Variants in CAPN7 observed in about 807,000 individuals in gnomAD.
The protein encoded by CAPN7 is calpain 7.
CAPN7 carries 72 observed loss-of-function variants against 115.2 expected under a neutral mutation model. The ratio of observed to expected loss-of-function variants is 0.63; its 90% CI spans 0.52 to 0.76. The LOEUF (loss-of-function observed/expected upper bound fraction) is 0.76, where lower values mean the gene tolerates loss of function less well. Ranked by LOEUF, CAPN7 falls within the 30% of genes least tolerant of loss-of-function variation. The pLI is 0.00. For missense variants in CAPN7, 905 were observed against 971.5 expected (o/e 0.93, Z 0.91); for synonymous variants, 344 against 322.3 (o/e 1.07, Z -0.72).
At chr3:15,245,377 A>G (rs1695596903) in intron 16 of CAPN7, 149 bp from the exon 17 acceptor site, 1 of 708,070 alleles carries the variant, frequency 1.4e-6, no homozygotes, top group Admixed American at 2.9e-5. Context: ...AAAGTTTTCA[A>G]CTGAAATTAT....
At chr3:15,224,344 C>A (rs943731984) in intron 6 of CAPN7, among the ~76,000 whole-genome samples, 11 of 151,174 alleles carry the variant, frequency 7.3e-5, no homozygotes, top group African/African-American at 2.7e-4. Flanking sequence ...GTGATCATGA[C>A]TCACTGCAGC....
Position 15,206,510 on chromosome 3 carries a change from A to G in CAPN7, c.15A>G (p.Ala5=), listed in dbSNP as rs2044631209. Residue 5 remains alanine (A), a synonymous_variant, in exon 1 of 21, where the codon GCA becomes GCG. Coordinates refer to ENST00000253693, the MANE Select transcript of CAPN7 (RefSeq NM_014296.3). Reference sequence around the variant, plus strand: ...GCCACTGCGCCATGGACGCCACAGCACTGGAGCGGGACGCTGTGCAGTTCG... The same window carrying G: ...GCCACTGCGCCATGGACGCCACAGCGCTGGAGCGGGACGCTGTGCAGTTCG... The part of the protein sequence containing the change: MDAT[A]LERDAVQFAR... 6.4e-7 allele frequency: 1 copy of G among 1,551,744 alleles called. No homozygotes were observed. The highest frequency in any genetic ancestry group is 2.0e-5 in the Admixed American group (1 of 51,272).
chr3:15,249,926 A>C (rs1485027724), intron 19 of CAPN7, among the ~76,000 whole-genome samples: 2 of 151,700 alleles, frequency 1.3e-5, no homozygotes, highest in Admixed American at 1.3e-4. Flanking sequence ...CACCATGCGC[A>C]GCTAATTTTT....
Position 15,212,209 on chromosome 3 carries a change from G to A in CAPN7, c.208G>A (p.Ala70Thr), listed in dbSNP as rs758981120. 3 of 1,571,900 alleles carry A rather than the reference G, an allele frequency of 1.9e-6. No homozygotes were observed. The highest frequency in any genetic ancestry group is 2.6e-6 in the Non-Finnish European group (3 of 1,147,116). The change falls in exon 2 of 21, where the codon GCA becomes ACA. Residue 70 changes from alanine (A) to threonine (T), a missense_variant. By Grantham distance (58) the Ala-to-Thr change is moderately conservative (BLOSUM62 0). Around this residue, in one of 3 missense-constraint regions of CAPN7, gnomAD observed 271 missense variants for 239.6 expected, o/e 1.13. Coordinates refer to ENST00000253693, the MANE Select transcript of CAPN7 (RefSeq NM_014296.3). ...YLERVQALHS[A>T]VQSKSADPLK... ...GGAAAGAGTTCAAGCTCTACATTCA[G>A]CAGGTTAGTAAAGGACTACTAAACT... is the stretch of plus-strand genomic sequence containing the variant.
rs1027670433 is a variant in CAPN7 at position 15,252,633 on chromosome 3, C to T, written c.*1373C>T. 1 of 152,158 alleles carries T rather than the reference C, an allele frequency of 6.6e-6. No individual in the cohort carries two copies. Among genetic ancestry groups the T allele is most frequent in the East Asian group, 1.9e-4 (1 of 5,194 alleles). 9.4% of individuals were successfully genotyped at this position (152,158 alleles called of 1,614,324 possible). ...ACAGGATGCAAACTAAAAACCTAAT[C>T]CCTGCCATCAAATTTATTAGAAGAG... On this transcript the variant is annotated 3_prime_UTR_variant, in exon 21 of 21. Transcript: ENST00000253693.
intron 1 of CAPN7, chr3:15,210,973 G>C (rs2044906149): frequency 8.9e-7 from 1 of 1,121,502 alleles, no homozygotes; most frequent in Non-Finnish European, 1.1e-6. Context: ...GGTAGCATTG[G>C]TAACCTTCCT....
chr3:15,216,341 G>A (rs2045246737), intron 2 of CAPN7, among the ~76,000 whole-genome samples: 1 of 152,138 alleles, frequency 6.6e-6, no homozygotes, highest in Non-Finnish European at 1.5e-5. Context: ...TGGGCATAAG[G>A]TGTCATCTCA....
At position 15,247,809 on chromosome 3, in the gene CAPN7, A is replaced by G. The variant is rs115619715; in HGVS notation, c.2204+352A>G. Among the ~76,000 whole-genome samples the G allele has an allele frequency of 2.3e-3, 349 of 152,358 alleles. 3 individuals carry two copies. Among genetic ancestry groups the G allele is most frequent in the African/African-American group, 7.8e-3 (325 of 41,570 alleles). ...AGAGCATATTAAAATGTTTGTAAAT[A>G]TGCTGCATTGATAAGAAAAAAATCT... On this transcript the variant is annotated intron_variant, in intron 19 of 20. Transcript: ENST00000253693.
Position 15,245,522 on chromosome 3 carries a change from G to A in CAPN7, c.1865-4G>A. 1 of 1,609,190 alleles carries A rather than the reference G, an allele frequency of 6.2e-7. No individual in the cohort carries two copies. Among genetic ancestry groups the A allele is most frequent in the Non-Finnish European group, 8.5e-7 (1 of 1,178,242 alleles). ...TTTCTCTAAGCCTACTTGTTTGTTT[G>A]CAGCTGACCCACCTCCATACATTGA... On this transcript the variant is annotated splice_polypyrimidine_tract_variant and splice_region_variant and intron_variant, in intron 16 of 20. Transcript: ENST00000253693.
chr3:15,216,659 T>C (rs924116209), intron 2 of CAPN7, among the ~76,000 whole-genome samples: 20 of 152,160 alleles, frequency 1.3e-4, no homozygotes, highest in Non-Finnish European at 2.8e-4. Context: ...GCCTAGTATA[T>C]TACACAATTT....
At chr3:15,217,344 A>T in intron 2 of CAPN7, 81 bp from the exon 3 acceptor site, 1 of 1,214,458 alleles carries the variant, frequency 8.2e-7, no homozygotes, top group South Asian at 1.9e-5. Context: ...TTGGTAAAAA[A>T]TGTCTTAAAT....
chr3:15,223,691 A>AAAGGG, intron 6 of CAPN7, 130 bp downstream of exon 6: 1 of 621,650 alleles, frequency 1.6e-6, no homozygotes, highest in Non-Finnish European at 2.8e-6. Context: ...TGGCTGTGGG[A>AAAGGG]AAGGGATAGG....
chr3:15,224,868 G>A (rs192549666), intron 6 of CAPN7, among the ~76,000 whole-genome samples: 1 of 152,214 alleles, frequency 6.6e-6, no homozygotes, highest in Non-Finnish European at 1.5e-5. Context: ...CACAAAGCCA[G>A]TTAACATATT....
At position 15,206,355 on chromosome 3, in the gene CAPN7, T is replaced by C; in HGVS notation, c.-141T>C. 1.7e-6 allele frequency: 1 copy of C among 591,142 alleles called. No individual in the cohort carries two copies. The highest frequency in any genetic ancestry group is 2.9e-6 in the Non-Finnish European group (1 of 343,684). 36.6% of individuals were successfully genotyped at this position (591,142 alleles called of 1,614,324 possible). On this transcript the variant is annotated 5_prime_UTR_variant, in exon 1 of 21. Coordinates refer to ENST00000253693, the MANE Select transcript of CAPN7 (RefSeq NM_014296.3). The stretch of plus-strand genomic sequence containing the variant: ...CCAGCCCGGCAACGGGAAGGCGAGC[T>C]CTCCTCCACCGTCCAAAGTAAACTT...
chr3:15,234,920 A>C, intron 11 of CAPN7, 105 bp from the exon 12 acceptor site: 3 of 911,680 alleles, frequency 3.3e-6, no homozygotes, highest in Non-Finnish European at 4.9e-6. Flanking sequence ...CAGGGGTAGG[A>C]ACAGCCCATT....
At chr3:15,218,572 G>A in intron 4 of CAPN7, 32 bp downstream of exon 4, 1 of 1,480,276 alleles carries the variant, frequency 6.8e-7, no homozygotes, top group Non-Finnish European at 9.4e-7. Flanking sequence ...CTAATCCATG[G>A]ATGGCACTTA....
intron 16 of CAPN7, among the ~76,000 whole-genome samples, chr3:15,244,579 A>G (rs1391831593): frequency 6.6e-6 from 1 of 152,202 alleles, no homozygotes; most frequent in Non-Finnish European, 1.5e-5. Flanking sequence ...TTGAGATACC[A>G]AAATACTTAG....
At chr3:15,229,165 G>A in intron 8 of CAPN7, 106 bp downstream of exon 8, 1 of 708,456 alleles carries the variant, frequency 1.4e-6, no homozygotes, top group Non-Finnish European at 2.4e-6. Context: ...ATATCATTCA[G>A]AATATGGCCC....
At chr3:15,230,383 A>G in intron 8 of CAPN7, 59 bp from the exon 9 acceptor site, 1 of 1,084,424 alleles carries the variant, frequency 9.2e-7, no homozygotes, top group Admixed American at 1.7e-5. Flanking sequence ...AATGTGCTGT[A>G]TAGTAGTTGA....
Sources: gnomAD v4.1 joint callset for allele counts (sites outside exome capture counted in the v4.1 genomes callset) on GRCh38, gnomAD v4.1.1 for gene constraint, gnomAD v4.1.1 regional missense constraint, MANE v1.5 for transcripts, NCBI Gene and HGNC (gene_info 2026-07-23, HGNC 2026-07-21) for gene names.